MAP2K5: variants seen among roughly 807,000 people sequenced by gnomAD.
The protein encoded by MAP2K5 is mitogen-activated protein kinase kinase 5.
In MAP2K5, 49 loss-of-function variants were observed where a neutral mutation model predicts 83.1. That is an observed-to-expected ratio of 0.59 (90% CI 0.47 to 0.75). The LOEUF (loss-of-function observed/expected upper bound fraction) is 0.75. Among genes scored for constraint, MAP2K5 ranks in the 30% least tolerant of loss-of-function variants. MAP2K5 has a pLI of 0.00. For synonymous variants in MAP2K5, 202 were observed against 191.8 expected (o/e 1.05, Z -0.44); for missense variants, 457 against 557.5 (o/e 0.82, Z 1.82).
intron 11 of MAP2K5, among the ~76,000 whole-genome samples, chr15:67,655,926 A>G (rs747917791): frequency 2.0e-5 from 3 of 151,914 alleles, no homozygotes; most frequent in East Asian, 1.9e-4. Flanking sequence ...TCTTTTCATC[A>G]TTACACTGGA....
chr15:67,613,808 T>C (rs1456506790), intron 8 of MAP2K5, among the ~76,000 whole-genome samples: 2 of 151,916 alleles, frequency 1.3e-5, no homozygotes, highest in South Asian at 2.1e-4. Context: ...ATTTTTGTCA[T>C]AGGGGACATA....
intron 9 of MAP2K5, among the ~76,000 whole-genome samples, chr15:67,635,824 CA>C (rs367641191): frequency 8.3e-4 from 127 of 152,244 alleles, no homozygotes; most frequent in African/African-American, 3.0e-3. Context: ...AGTTTACTGT[CA>C]TTTTAAATCT....
chr15:67,563,014 C>G lies in MAP2K5; in HGVS notation c.185-269C>G, dbSNP rs1247803391. On this transcript the variant is annotated intron_variant, in intron 2 of 21. Transcript: ENST00000178640. The surrounding 1 kb of genome is among the most constrained non-coding windows in gnomAD (Gnocchi z 4.5). ...CTAACCAAACCTGTTTTGTCATACT[C>G]CAGTTATATTTACTTTAACCTAGAG... 6.6e-6 allele frequency among the ~76,000 whole-genome samples: 1 copy of G among 152,054 alleles called. No individual in the cohort carries two copies. The highest frequency in any genetic ancestry group is 2.4e-5 in the African/African-American group (1 of 41,384).
intron 11 of MAP2K5, among the ~76,000 whole-genome samples, chr15:67,653,460 C>T (rs1052980906): frequency 6.6e-6 from 1 of 151,858 alleles, no homozygotes; most frequent in African/African-American, 2.4e-5. Flanking sequence ...CCATGCCCTG[C>T]TAATTTTGTA....
In MAP2K5 at chr15:67,761,915, G is replaced by T. The variant is rs78838508; in HGVS notation, c.1135-7687G>T. Among the ~76,000 whole-genome samples, 7 of 152,268 alleles carry T rather than the reference G, an allele frequency of 4.6e-5. No homozygotes were observed. The East Asian group carries it at 1.3e-3, about 29-fold the overall frequency. On this transcript the variant is annotated intron_variant, in intron 19 of 21. Coordinates refer to ENST00000178640, the MANE Select transcript of MAP2K5 (RefSeq NM_145160.3). ...TATTAACATTATAATTTAGGTACTG[G>T]ATCAAACATGTATAGCTGGACTTTT...
intron 19 of MAP2K5, among the ~76,000 whole-genome samples, chr15:67,759,211 G>C (rs925381869): frequency 7.2e-5 from 11 of 152,118 alleles, no homozygotes; most frequent in Admixed American, 7.2e-4. Context: ...GTGCTGGGGG[G>C]TGGGGGATGC....
rs1376106983 is a variant in MAP2K5, at chr15:67,676,106, C to CCAGCAAG, written c.847+11462_847+11468dup. 6.6e-6 allele frequency among the ~76,000 whole-genome samples: 1 copy of CCAGCAAG among 152,070 alleles called. No individual in the cohort carries two copies. Among genetic ancestry groups the CCAGCAAG allele is most frequent in the African/African-American group, 2.4e-5 (1 of 41,378 alleles). On this transcript the variant is annotated intron_variant, in intron 13 of 21. Coordinates refer to ENST00000178640, the MANE Select transcript of MAP2K5 (RefSeq NM_145160.3). The surrounding 1 kb of genome is among the most constrained non-coding windows in gnomAD (Gnocchi z 4.8). ...TTAGGGTAAGCTTCTATCCAACCAC[C>CCAGCAAG]CAGCAAGATGCCCCCAGTGTGTGGA...
At chr15:67,624,066 GCAGTGGCTCACAC>G (rs2086251988) in intron 8 of MAP2K5, among the ~76,000 whole-genome samples, 1 of 150,768 alleles carries the variant, frequency 6.6e-6, no homozygotes, top group Non-Finnish European at 1.5e-5. Flanking sequence ...TAGGCCGGGC[GCAGTGGCTCACAC>G]CTGTAATCCC....
At chr15:67,612,759 GTAAA>G (rs2085956835) in intron 8 of MAP2K5, among the ~76,000 whole-genome samples, 1 of 152,170 alleles carries the variant, frequency 6.6e-6, no homozygotes, top group Admixed American at 6.5e-5. Flanking sequence ...TGCAGCGAAA[GTAAA>G]TAAATGAATG....
chr15:67,664,519 T>C, intron 12 of MAP2K5, 78 bp from the exon 13 acceptor site: 1 of 921,764 alleles, frequency 1.1e-6, no homozygotes, highest in Non-Finnish European at 1.7e-6. Context: ...AAAAAAATGT[T>C]GAATGTATTT....
intron 17 of MAP2K5, among the ~76,000 whole-genome samples, chr15:67,742,191 A>C (rs1449865417): frequency 2.6e-5 from 4 of 152,228 alleles, no homozygotes; most frequent in African/African-American, 7.2e-5. Flanking sequence ...GCGCCCGGCC[A>C]AGAAAGAACT....
intron 2 of MAP2K5, among the ~76,000 whole-genome samples, chr15:67,558,699 C>A (rs1051875228): frequency 7.9e-5 from 12 of 152,214 alleles, no homozygotes; most frequent in Non-Finnish European, 1.5e-4. Flanking sequence ...GGCTTCCTTT[C>A]GGTCTGTCAA....
rs2084476700 is a variant in MAP2K5, at chr15:67,550,059, A to G, written c.161A>G (p.Glu54Gly). The change falls in exon 2 of 22, where the codon GAA becomes GGA. Residue 54 changes from glutamate (E) to glycine (G), a missense_variant. By Grantham distance (98) the Glu-to-Gly change is moderately conservative. This residue lies in a region of MAP2K5 where 234 missense variants were observed against 243.6 expected (regional missense o/e 0.96). Coordinates refer to ENST00000178640, the MANE Select transcript of MAP2K5 (RefSeq NM_145160.3). ...VLDVIGQVLP[E>G]ATTTAFEYED... ...GATGTGATAGGCCAGGTTCTGCCTG[A>G]AGCAACAACTACAGCATTTGAATGT... 1 of 1,613,642 alleles carries G rather than the reference A, an allele frequency of 6.2e-7. No individual in the cohort carries two copies. Among genetic ancestry groups the G allele is most frequent in the Admixed American group, 1.7e-5 (1 of 60,014 alleles).
At chr15:67,716,740 T>C (rs2088834990) in intron 16 of MAP2K5, among the ~76,000 whole-genome samples, 2 of 152,194 alleles carry the variant, frequency 1.3e-5, no homozygotes, top group Non-Finnish European at 2.9e-5. Context: ...AATGTAGTGC[T>C]CTTTCCTCTC....
chr15:67,799,586 T>G lies in MAP2K5; in HGVS notation c.1243-7060T>G, dbSNP rs72751447. 8.5e-3 allele frequency among the ~76,000 whole-genome samples: 1,297 copies of G among 152,336 alleles called. 23 individuals are homozygous for G. The highest frequency in any genetic ancestry group is 9.0e-3 in the Non-Finnish European group (612 of 68,020). The stretch of plus-strand genomic sequence containing the variant: ...AGTATCAGCTTTACTTCTATACAAA[T>G]CTGGATTGGAGGATGTATTTACAAG... On this transcript the variant is annotated intron_variant, in intron 21 of 21. Transcript: ENST00000178640.
At chr15:67,685,308 A>G (rs891459951) in intron 13 of MAP2K5, among the ~76,000 whole-genome samples, 1 of 152,254 alleles carries the variant, frequency 6.6e-6, no homozygotes, top group Non-Finnish European at 1.5e-5. Context: ...CGTCTTTAAA[A>G]TGTTGAAAGA....
chr15:67,569,064 GT>G (rs2084902495), intron 3 of MAP2K5, among the ~76,000 whole-genome samples: 1 of 148,706 alleles, frequency 6.7e-6, no homozygotes, highest in African/African-American at 2.5e-5. Context: ...AGGTTTAAAA[GT>G]TTTGTCCTTA....
At chr15:67,664,161 G>A (rs2087309979) in intron 12 of MAP2K5, among the ~76,000 whole-genome samples, 1 of 151,928 alleles carries the variant, frequency 6.6e-6, no homozygotes, top group Admixed American at 6.6e-5. Context: ...ACAGAAATGG[G>A]AGGTGTTCAG....
intron 4 of MAP2K5, among the ~76,000 whole-genome samples, chr15:67,582,461 C>G (rs1394068694): frequency 6.6e-6 from 1 of 152,106 alleles, no homozygotes; most frequent in African/African-American, 2.4e-5. Flanking sequence ...CTGAAAATTT[C>G]CATTAATTTC....
Sources: allele counts gnomAD v4.1 joint callset (sites outside exome capture counted in the v4.1 genomes callset), GRCh38; gene constraint gnomAD v4.1.1; regional missense constraint gnomAD v4.1.1; non-coding constraint Gnocchi (gnomAD v3.1); transcripts MANE v1.5; gene names NCBI Gene and HGNC (gene_info 2026-07-23, HGNC 2026-07-21).